The following PADI4 variants were observed in gnomAD, a reference collection of about 807,000 sequenced individuals.
PADI4 encodes protein-arginine deiminase type-4.
PADI4 carries 62 observed loss-of-function variants against 75.0 expected under a neutral mutation model. That is an observed-to-expected ratio of 0.83 (90% confidence interval 0.67 to 1.02). The LOEUF is 1.02. Ranked by LOEUF, PADI4 falls within the 50% of genes least tolerant of loss-of-function variation. The probability of loss-of-function intolerance (pLI) is 0.00; values close to 1 mark genes in which losing one functional copy is unlikely to be tolerated. For synonymous variants in PADI4, 361 were observed against 348.1 expected (o/e 1.04, Z -0.41); for missense variants, 845 against 850.5 (o/e 0.99, Z 0.08).
intron 4 of PADI4, among the ~76,000 whole-genome samples, chr1:17,337,151 GTATT>G (rs144819181): frequency 1.3e-4 from 19 of 142,492 alleles, no homozygotes; most frequent in African/African-American, 3.4e-4. Context: ...ATGTATTTAT[GTATT>G]TATTTATTTA....
intron 1 of PADI4, among the ~76,000 whole-genome samples, chr1:17,322,797 C>A (rs138548879): frequency 1.4e-4 from 21 of 151,620 alleles, no homozygotes; most frequent in African/African-American, 1.7e-4. Context: ...TCTTCCCTCC[C>A]TTCCTTCTTT....
At chr1:17,357,941 A>AAAAAC (rs1557583326) in intron 13 of PADI4, among the ~76,000 whole-genome samples, 2 of 143,398 alleles carry the variant, frequency 1.4e-5, no homozygotes, top group African/African-American at 2.6e-5. Flanking sequence ...AAAAAAAAAA[A>AAAAAC]AAAAAACAAG....
rs546657752 is a variant in PADI4 at position 17,358,306 on chromosome 1, G to A, written c.1559-532G>A. Among the ~76,000 whole-genome samples, 211 of 11,528 alleles carry A rather than the reference G, an allele frequency of 0.018. 93 individuals are homozygous for A. In the African/African-American group the frequency reaches 0.23, roughly 12 times the overall value. The allele number at this position is 11,528 out of a possible 152,430, so 7.6% of individuals were successfully genotyped here. A position where few individuals can be genotyped will look rare whatever the true frequency, so the allele number is the denominator to read the frequency against. ...TTTTAGGCCGGGCGCGGTGGCTCAC[G>A]CCTGTAATCCCAGCACTTTGGGAGG... On this transcript the variant is annotated intron_variant, in intron 13 of 15. Transcript: ENST00000375448.
rs760710471 is a variant in PADI4, at chr1:17,354,520, TCTC to T, written c.1156-10_1156-8del. ...ATTCCTCTAACTCTTGGCACTCCCTTCTCCTATCTCAGGGTCCAGATTTTGGCT... is the reference window on the plus strand; with the variant it reads ...ATTCCTCTAACTCTTGGCACTCCCTTCTATCTCAGGGTCCAGATTTTGGCT... On this transcript the variant is annotated splice_polypyrimidine_tract_variant and intron_variant, in intron 10 of 15. Transcript: ENST00000375448. 1.9e-6 allele frequency: 3 copies of T among 1,613,836 alleles called. No homozygotes were observed. In the South Asian group the frequency reaches 3.3e-5, roughly 18 times the overall value.
chr1:17,308,556 A>G (rs1185957646), intron 1 of PADI4, among the ~76,000 whole-genome samples: 1 of 152,108 alleles, frequency 6.6e-6, no homozygotes, highest in Non-Finnish European at 1.5e-5. Flanking sequence ...ATAAATTATT[A>G]TGGGGCAAAC....
chr1:17,347,997 C>T lies in PADI4; in HGVS notation c.1104C>T (p.Phe368=), dbSNP rs372520947. The change falls in exon 10 of 16, where the codon TTC becomes TTT. Residue 368 remains phenylalanine, a synonymous_variant. Transcript: ENST00000375448. ...QAPHKTLPVV[F]DSPRNRGLKE... ...CACACAAAACGCTGCCCGTGGTCTT[C>T]GACTCTCCAAGGAACAGAGGCCTGA... is the stretch of plus-strand genomic sequence containing the variant. 39 of 1,609,728 alleles carry T rather than the reference C, an allele frequency of 2.4e-5. No homozygotes were observed. Among genetic ancestry groups the T allele is most frequent in the Middle Eastern group, 1.7e-4 (1 of 6,060 alleles).
intron 1 of PADI4, among the ~76,000 whole-genome samples, chr1:17,324,751 C>A (rs2074092127): frequency 6.6e-6 from 1 of 152,234 alleles, no homozygotes; most frequent in East Asian, 1.9e-4. Flanking sequence ...ATTCAAAGTT[C>A]TGACTTTCAC....
rs1206830723 is a variant in PADI4 at position 17,351,203 on chromosome 1, A to G, written c.1155+3155A>G. On this transcript the variant is annotated intron_variant, in intron 10 of 15. Coordinates refer to ENST00000375448, the MANE Select transcript of PADI4 (RefSeq NM_012387.3). Reference sequence around the variant, plus strand: ...ACAGATGAGACCTTGTCCCAGAGGAAAAAAAAAAAAAAAAAAAGAGCTACA... The same window carrying G: ...ACAGATGAGACCTTGTCCCAGAGGAGAAAAAAAAAAAAAAAAAGAGCTACA... Among the ~76,000 whole-genome samples, 118 of 46,356 alleles carry G rather than the reference A, an allele frequency of 2.5e-3. 2 individuals are homozygous for G. Among genetic ancestry groups the G allele is most frequent in the Non-Finnish European group, 1.5e-3 (18 of 12,294 alleles). The allele number at this position is 46,356 out of a possible 152,430, so 30.4% of individuals were successfully genotyped here. A position where few individuals can be genotyped will look rare whatever the true frequency, so the allele number is the denominator to read the frequency against.
In PADI4 at chr1:17,314,219, G is replaced by T. The variant is rs1290369493; in HGVS notation, c.92+5905G>T. Reference sequence around the variant, plus strand: ...TTTGAGCCCCTTATTCATCTTCTTGGTGGACCAGACACAGGGCGTGTCCCT... The same window carrying T: ...TTTGAGCCCCTTATTCATCTTCTTGTTGGACCAGACACAGGGCGTGTCCCT... On this transcript the variant is annotated intron_variant, in intron 1 of 15. Coordinates refer to ENST00000375448, the MANE Select transcript of PADI4 (RefSeq NM_012387.3). Among the ~76,000 whole-genome samples, 3 of 152,164 alleles carry T rather than the reference G, an allele frequency of 2.0e-5. No homozygotes were observed. In the East Asian group the frequency reaches 5.8e-4, roughly 29 times the overall value.
chr1:17,363,421 A>AG, intron 15 of PADI4, 101 bp from the exon 16 acceptor site: 1 of 761,078 alleles, frequency 1.3e-6, no homozygotes, highest in Non-Finnish European at 2.2e-6. Context: ...CCACCCCTGG[A>AG]GGGGCTATTA....
chr1:17,362,205 C>T (rs918549522), intron 15 of PADI4, among the ~76,000 whole-genome samples: 3 of 152,004 alleles, frequency 2.0e-5, no homozygotes, highest in Admixed American at 6.6e-5. Flanking sequence ...TGGAGAAACT[C>T]TGTCTCTACA....
intron 1 of PADI4, among the ~76,000 whole-genome samples, chr1:17,323,877 A>T (rs2074074821): frequency 6.6e-6 from 1 of 152,056 alleles, no homozygotes; most frequent in South Asian, 2.1e-4. Flanking sequence ...ACACAAACAA[A>T]CAAAAAACAC....
At chr1:17,340,301 A>G (rs1484526887) in intron 6 of PADI4, among the ~76,000 whole-genome samples, 1 of 152,144 alleles carries the variant, frequency 6.6e-6, no homozygotes, top group Non-Finnish European at 1.5e-5. Context: ...GGAGAACTAT[A>G]GGTAAAATAA....
At position 17,363,558 on chromosome 1, in the gene PADI4, C is replaced by T. The variant is rs2074877081; in HGVS notation, c.1795C>T (p.Pro599Ser). The T allele has an allele frequency of 1.9e-6, 3 of 1,613,830 alleles. No homozygotes were observed. In the African/African-American group the frequency reaches 4.0e-5, roughly 22 times the overall value. ...GGTGCTAGGGAAGCACCTGGGCATCCCCAAGCCCTTCGGGCCCGTCATCAA... is the reference window on the plus strand; with the variant it reads ...GGTGCTAGGGAAGCACCTGGGCATCTCCAAGCCCTTCGGGCCCGTCATCAA... ...MLVLGKHLGIPKPFGPVINGR... is the reference protein window; with the variant it reads ...MLVLGKHLGISKPFGPVINGR... Residue 599 changes from proline (P) to serine (S), a missense_variant, in exon 16 of 16, where the codon CCC becomes TCC. Coordinates refer to ENST00000375448, the MANE Select transcript of PADI4 (RefSeq NM_012387.3).
At chr1:17,348,283 T>G (rs1205270845) in intron 10 of PADI4, 2 of 401,960 alleles carry the variant, frequency 5.0e-6, no homozygotes, top group African/African-American at 4.0e-5. Flanking sequence ...CAGCTTGATC[T>G]CCAGGTAACC....
At chr1:17,338,331 C>T (rs117803616) in intron 5 of PADI4, among the ~76,000 whole-genome samples, 176 bp downstream of exon 5, 2 of 152,244 alleles carry the variant, frequency 1.3e-5, no homozygotes, top group East Asian at 1.9e-4. Context: ...AGTGACCTCC[C>T]CAAGCTCACG....
At chr1:17,334,592 T>C (rs1421313489) in intron 3 of PADI4, 8 of 456,252 alleles carry the variant, frequency 1.8e-5, no homozygotes, top group Admixed American at 1.2e-4. Flanking sequence ...CATGAACCAC[T>C]GCGCCAGGCC....
At position 17,334,490 on chromosome 1, in the gene PADI4, A is replaced by G. The variant is rs1177650275; in HGVS notation, c.340+481A>G. The G allele has an allele frequency of 1.8e-5, 8 of 443,974 alleles. No homozygotes were observed. In the Admixed American group the frequency reaches 1.9e-4, roughly 11 times the overall value. 27.5% of individuals were successfully genotyped at this position (443,974 alleles called of 1,614,324 possible). On this transcript the variant is annotated intron_variant, in intron 3 of 15. Transcript: ENST00000375448. ...GCTAATTTTTGTATTTTTAGTAGAG[A>G]TGGAGTTTCACCATGTTGGCCAGGC...
Position 17,346,651 on chromosome 1 carries a change from C to T in PADI4, c.1047+512C>T, listed in dbSNP as rs2100755232. 6.6e-6 allele frequency among the ~76,000 whole-genome samples: 1 copy of T among 152,274 alleles called. No homozygotes were observed. The highest frequency in any genetic ancestry group is 6.5e-5 in the Admixed American group (1 of 15,294). On this transcript the variant is annotated intron_variant, in intron 9 of 15. Transcript: ENST00000375448. The surrounding 1 kb of genome is among the most constrained non-coding windows in gnomAD (Gnocchi z 4.3). ...AGTCTCTGTTTCCGTGCCACTCCCC[C>T]ATCATGCCAGGAGTGCCCCAAGGAC...
Sources: gnomAD v4.1 joint callset for allele counts (sites outside exome capture counted in the v4.1 genomes callset) on GRCh38, gnomAD v4.1.1 for gene constraint, Gnocchi (gnomAD v3.1) non-coding constraint, MANE v1.5 for transcripts, NCBI Gene and HGNC (gene_info 2026-07-23, HGNC 2026-07-21) for gene names.